The following RAD21 variants were observed in gnomAD, a reference collection of about 807,000 sequenced individuals.
The protein encoded by RAD21 is RAD21 cohesin complex component.
Under a neutral mutation model 71.5 loss-of-function variants are expected in RAD21, and 18 were observed. That is an observed-to-expected ratio of 0.25 (90% CI 0.17 to 0.37). The LOEUF (loss-of-function observed/expected upper bound fraction) is 0.37, where lower values mean the gene tolerates loss of function less well. Among genes scored for constraint, RAD21 ranks in the 10% least tolerant of loss-of-function variants. The pLI is 1.00. For missense variants in RAD21, 493 were observed against 769.1 expected (o/e 0.64, Z 4.25); for synonymous variants, 248 against 254.0 (o/e 0.98, Z 0.22).
Position 116,866,637 on chromosome 8 carries a change from A to G in RAD21, c.93T>C (p.His31=), listed in dbSNP as rs761516272. ...TGCTCTCTAAATTACACTCGAACACATGGGCTTTGGTTAGCTTCTTATCCC... is the reference window on the plus strand; with the variant it reads ...TGCTCTCTAAATTACACTCGAACACGTGGGCTTTGGTTAGCTTCTTATCCC... ...AHWDKKLTKA[H]VFECNLESSV... The change falls in exon 2 of 14, where the codon CAT becomes CAC. Residue 31 remains histidine, a synonymous_variant. Coordinates refer to ENST00000297338, the MANE Select transcript of RAD21 (RefSeq NM_006265.3). 5 of 1,613,448 alleles carry G rather than the reference A, an allele frequency of 3.1e-6. No individual in the cohort carries two copies. In the Admixed American group the frequency reaches 6.7e-5, roughly 22 times the overall value.
At chr8:116,869,961 T>C (rs1368007161) in intron 1 of RAD21, among the ~76,000 whole-genome samples, 1 of 152,204 alleles carries the variant, frequency 6.6e-6, no homozygotes, top group Non-Finnish European at 1.5e-5. Context: ...AAATATATTT[T>C]AGTTACGCGT....
chr8:116,873,239 G>A (rs183467644), intron 1 of RAD21, among the ~76,000 whole-genome samples: 2 of 151,720 alleles, frequency 1.3e-5, no homozygotes, highest in African/African-American at 4.9e-5. Flanking sequence ...TAATTCACCA[G>A]AAATTCTTTT....
Position 116,873,148 on chromosome 8 carries a change from C to T in RAD21, c.-33+1463G>A, listed in dbSNP as rs558984664. Reference sequence around the variant, plus strand: ...TTTGACATTTAAACTAAAAACACAACCTTATTTCTCAAGAATTAGAAAATT... The same window carrying T: ...TTTGACATTTAAACTAAAAACACAATCTTATTTCTCAAGAATTAGAAAATT... On this transcript the variant is annotated intron_variant, in intron 1 of 13. Coordinates refer to ENST00000297338, the MANE Select transcript of RAD21 (RefSeq NM_006265.3). Among the ~76,000 whole-genome samples, 7 of 152,282 alleles carry T rather than the reference C, an allele frequency of 4.6e-5. No individual in the cohort carries two copies. The East Asian group carries it at 5.8e-4, about 13-fold the overall frequency.
At chr8:116,847,716 A>T in intron 13 of RAD21, 25 bp from the exon 14 acceptor site, 1 of 1,592,074 alleles carries the variant, frequency 6.3e-7, no homozygotes, top group Non-Finnish European at 8.6e-7. Flanking sequence ...AAAAAGGGTA[A>T]CTTAATCTGT....
chr8:116,852,733 ATTTC>A, intron 9 of RAD21, 25 bp from the exon 10 acceptor site: 6 of 1,422,586 alleles, frequency 4.2e-6, no homozygotes, highest in Non-Finnish European at 5.6e-6. Context: ...AAAAAGAAAA[ATTTC>A]AATTATAAAA....
intron 1 of RAD21, among the ~76,000 whole-genome samples, chr8:116,871,302 A>G (rs939972582): frequency 6.6e-6 from 1 of 152,212 alleles, no homozygotes; most frequent in Non-Finnish European, 1.5e-5. Flanking sequence ...TTGATACCAG[A>G]GCACAACTTA....
At position 116,858,214 on chromosome 8, in the gene RAD21, C is replaced by T. The variant is rs560627575; in HGVS notation, c.481+138G>A. 6.1e-6 allele frequency: 4 copies of T among 656,450 alleles called. No individual in the cohort carries two copies. In the South Asian group the frequency reaches 8.4e-5, roughly 14 times the overall value. The allele number at this position is 656,450 out of a possible 1,614,324, so 40.7% of individuals were successfully genotyped here. On this transcript the variant is annotated intron_variant, in intron 5 of 13. Transcript: ENST00000297338. ...TAATGCTTAATCTACTGGTAGAAAG[C>T]CAAATTCTTTTCTTGATGAAAATGC...
chr8:116,869,577 T>A (rs1812768296), intron 1 of RAD21, among the ~76,000 whole-genome samples: 1 of 151,828 alleles, frequency 6.6e-6, no homozygotes, highest in Non-Finnish European at 1.5e-5. Flanking sequence ...ACAGCAAGAC[T>A]CTGTATAAAA....
chr8:116,874,688 G>A lies in RAD21; in HGVS notation c.-110C>T, dbSNP rs931193358. 9.5e-6 allele frequency: 4 copies of A among 419,106 alleles called. No individual in the cohort carries two copies. In the Admixed American group the frequency reaches 1.0e-4, roughly 11 times the overall value. The allele number at this position is 419,106 out of a possible 1,614,324, so 26.0% of individuals were successfully genotyped here. On this transcript the variant is annotated 5_prime_UTR_variant, in exon 1 of 14. Coordinates refer to ENST00000297338, the MANE Select transcript of RAD21 (RefSeq NM_006265.3). The stretch of plus-strand genomic sequence containing the variant: ...GGTCGGGGGAGGGGGTGGGGAAAGG[G>A]GGGAGCCCTTGCGAGGTGTAGCTTC...
intron 5 of RAD21, 142 bp from the exon 6 acceptor site, chr8:116,857,615 C>T (rs201460930): frequency 1.8e-5 from 10 of 564,978 alleles, no homozygotes; most frequent in Non-Finnish European, 2.6e-5. Context: ...CTAGTTTAAA[C>T]TTTAATTCTT....
At chr8:116,869,008 A>G (rs1332489999) in intron 1 of RAD21, among the ~76,000 whole-genome samples, 1 of 152,118 alleles carries the variant, frequency 6.6e-6, no homozygotes, top group Non-Finnish European at 1.5e-5. Flanking sequence ...AAAATTCAAA[A>G]TAGACAAAAC....
intron 5 of RAD21, 49 bp from the exon 6 acceptor site, chr8:116,857,522 C>T: frequency 1.4e-6 from 2 of 1,471,804 alleles, no homozygotes; most frequent in Non-Finnish European, 9.4e-7. Context: ...AGAAATAGCA[C>T]TGTGATAAAA....
At chr8:116,858,239 C>G (rs1281427856) in intron 5 of RAD21, 113 bp downstream of exon 5, 1 of 737,808 alleles carries the variant, frequency 1.4e-6, no homozygotes, top group Non-Finnish European at 2.2e-6. Context: ...GATGAAAATG[C>G]ATTACATGAA....
intron 13 of RAD21, 35 bp downstream of exon 13, chr8:116,848,911 T>C (rs375953331): frequency 6.4e-7 from 1 of 1,557,734 alleles, no homozygotes; most frequent in Non-Finnish European, 8.7e-7. Context: ...AAGCCTTTGA[T>C]GAAGCATTTT....
At chr8:116,872,152 T>C (rs191082602) in intron 1 of RAD21, among the ~76,000 whole-genome samples, 2 of 152,170 alleles carry the variant, frequency 1.3e-5, no homozygotes, top group African/African-American at 2.4e-5. Context: ...AGCATTTACA[T>C]TGTAATATCA....
At chr8:116,857,870 G>A (rs1022497765) in intron 5 of RAD21, among the ~76,000 whole-genome samples, 3 of 152,178 alleles carry the variant, frequency 2.0e-5, no homozygotes, top group Non-Finnish European at 2.9e-5. Context: ...AGCTACTTGA[G>A]GCTGAAGTGG....
chr8:116,871,944 C>A (rs1378590265), intron 1 of RAD21, among the ~76,000 whole-genome samples: 6 of 152,202 alleles, frequency 3.9e-5, no homozygotes, highest in African/African-American at 1.4e-4. Context: ...AAATAACCTA[C>A]TTGGCCATCA....
intron 8 of RAD21, 124 bp from the exon 9 acceptor site, chr8:116,854,592 A>T: frequency 1.4e-6 from 1 of 736,278 alleles, no homozygotes; most frequent in Non-Finnish European, 2.3e-6. Flanking sequence ...GAGAAGTTAA[A>T]CTTCATGAGG....
intron 1 of RAD21, among the ~76,000 whole-genome samples, chr8:116,870,921 G>A (rs1463793924): frequency 1.3e-5 from 2 of 152,182 alleles, no homozygotes; most frequent in African/African-American, 4.8e-5. Context: ...CAGCACTTCA[G>A]CTGCTGGTCA....
Sources: allele counts gnomAD v4.1 joint callset (sites outside exome capture counted in the v4.1 genomes callset), GRCh38; gene constraint gnomAD v4.1.1; transcripts MANE v1.5; gene names NCBI Gene and HGNC (gene_info 2026-07-23, HGNC 2026-07-21).